Variants in FGFR3 observed in about 807,000 individuals in gnomAD.
FGFR3 encodes FGFR-3.
Under a neutral mutation model 82.9 loss-of-function variants are expected in FGFR3, and 25 were observed. The ratio of observed to expected loss-of-function variants is 0.30; its 90% CI spans 0.22 to 0.42. The LOEUF (loss-of-function observed/expected upper bound fraction) is 0.42, where lower values mean the gene tolerates loss of function less well. FGFR3 is among the 10% of genes least tolerant of loss of function. FGFR3 has a pLI of 1.00. For synonymous variants in FGFR3, 620 were observed against 516.0 expected, an observed-to-expected ratio of 1.20 and a Z score of -2.73; for missense variants, 1,026 against 1,161.0, an observed-to-expected ratio of 0.88 and a Z score of 1.69.
intron 3 of FGFR3, 70 bp downstream of exon 3, chr4:1,799,593 C>T: frequency 1.3e-6 from 2 of 1,549,320 alleles, no homozygotes; most frequent in Non-Finnish European, 1.7e-6. Flanking sequence ...CTGCGTGGGT[C>T]AGGAGCGGCT....
rs1312674634 is a variant in FGFR3, at chr4:1,807,230, G to A, written c.2389G>A (p.Ala797Thr). 3 of 1,607,518 alleles carry A rather than the reference G, an allele frequency of 1.9e-6. No homozygotes were observed. Among genetic ancestry groups the A allele is most frequent in the Non-Finnish European group, 2.5e-6 (3 of 1,178,082 alleles). The change falls in exon 18 of 18, where the codon GCC (alanine) becomes ACC (threonine). Residue 797 changes from alanine to threonine, a missense_variant. Coordinates refer to ENST00000440486, the MANE Select transcript of FGFR3 (RefSeq NM_000142.5). The part of the protein sequence containing the change: ...SVFAHDLLPP[A>T]PPSSGGSRT ...GTTTGCCCACGACCTGCTGCCCCCG[G>A]CCCCACCCAGCAGTGGGGGCTCGCG...
At chr4:1,795,911 C>T (rs112235531) in intron 2 of FGFR3, among the ~76,000 whole-genome samples, 5 of 152,310 alleles carry the variant, frequency 3.3e-5, no homozygotes, top group Admixed American at 1.3e-4. Flanking sequence ...TTAACCTGGG[C>T]TGAGCCTGGC....
intron 7 of FGFR3, 27 bp downstream of exon 7, chr4:1,802,052 C>G: frequency 3.8e-6 from 6 of 1,599,788 alleles, no homozygotes; most frequent in Non-Finnish European, 5.1e-6. Flanking sequence ...ACGTGGGTGC[C>G]GCCGCTGGGG....
At chr4:1,794,551 TG>T (rs2108754200) in intron 2 of FGFR3, among the ~76,000 whole-genome samples, 1 of 152,216 alleles carries the variant, frequency 6.6e-6, no homozygotes, top group African/African-American at 2.4e-5. Context: ...GCGTCCCCGC[TG>T]CCGACCCTGC....
chr4:1,805,534 C>T, intron 11 of FGFR3, 25 bp from the exon 12 acceptor site: 2 of 1,612,578 alleles, frequency 1.2e-6, no homozygotes, highest in Non-Finnish European at 1.7e-6. Flanking sequence ...CGCCGCCTGA[C>T]ACAGGCCCCC....
Position 1,807,826 on chromosome 4 carries a change from A to C in FGFR3, c.*564A>C. On this transcript the variant is annotated 3_prime_UTR_variant, in exon 18 of 18. Transcript: ENST00000440486. ...CGGGTACCTGAAGATGGGAGCCTTT[A>C]CCTTTTATGCAAAAGGTTTATTCCG... The C allele has an allele frequency of 2.2e-6, 1 of 459,894 alleles. No individual in the cohort carries two copies. Among genetic ancestry groups the C allele is most frequent in the South Asian group, 1.9e-5 (1 of 51,434 alleles). The allele number at this position is 459,894 out of a possible 1,614,324, so 28.5% of individuals were successfully genotyped here. A position where few individuals can be genotyped will look rare whatever the true frequency, so the allele number is the denominator to read the frequency against.
rs1057519049 is a variant in FGFR3 at position 1,805,642 on chromosome 4, A to C, written c.1618A>C (p.Asn540His). 1.2e-6 allele frequency: 2 copies of C among 1,613,238 alleles called. No homozygotes were observed. The highest frequency in any genetic ancestry group is 8.5e-7 in the Non-Finnish European group (1 of 1,179,742). ...KMIGKHKNII[N>H]LLGACTQGGP... is the part of the protein sequence containing the mutation. The stretch of plus-strand genomic sequence containing the variant: ...GATCGGGAAACACAAAAACATCATC[A>C]ACCTGCTGGGCGCCTGCACGCAGGG... Residue 540 changes from asparagine (N) to histidine (H), a missense_variant, in exon 12 of 18, where the codon AAC (asparagine) becomes CAC (histidine). Physicochemically the swap from Asn to His is moderately conservative, Grantham distance 68. This residue lies in a region of FGFR3 where 164 missense variants were observed against 167.5 expected (regional missense o/e 0.98). Transcript: ENST00000440486.
chr4:1,797,676 TGGCCAGGACCGGAGGGCTGGAGGTCA>T (rs1577262880), intron 2 of FGFR3, among the ~76,000 whole-genome samples: 1 of 152,290 alleles, frequency 6.6e-6, no homozygotes, highest in East Asian at 1.9e-4. Context: ...CACAAGACAC[TGGCCAGGACCGGAGGGCTGGAGGTCA>T]GGCCAGGAGC....
At chr4:1,803,627 G>T in intron 7 of FGFR3, 65 bp from the exon 8 acceptor site, 1 of 1,584,146 alleles carries the variant, frequency 6.3e-7, no homozygotes, top group South Asian at 1.1e-5. Context: ...CCTGCCGTGT[G>T]GACTCTGTGC....
chr4:1,800,279 G>A (rs1315909395), intron 4 of FGFR3, among the ~76,000 whole-genome samples: 3 of 152,054 alleles, frequency 2.0e-5, no homozygotes, highest in Non-Finnish European at 2.9e-5. Flanking sequence ...GGTGGGCTGC[G>A]GCTGTGAGAG....
chr4:1,805,618 A>C lies in FGFR3; in HGVS notation c.1594A>C (p.Ile532Leu). Residue 532 changes from isoleucine to leucine, a missense_variant, in exon 12 of 18, where the codon ATC becomes CTC. Coordinates refer to ENST00000440486, the MANE Select transcript of FGFR3 (RefSeq NM_000142.5). The part of the protein sequence containing the change: ...LVSEMEMMKM[I>L]GKHKNIINLL... ...GTCTGAGATGGAGATGATGAAGATG[A>C]TCGGGAAACACAAAAACATCATCAA... 1 of 1,613,340 alleles carries C rather than the reference A, an allele frequency of 6.2e-7. No individual in the cohort carries two copies. The highest frequency in any genetic ancestry group is 8.5e-7 in the Non-Finnish European group (1 of 1,179,798).
rs560280646 is a variant in FGFR3 at position 1,807,143 on chromosome 4, G to A, written c.2302G>A (p.Glu768Lys). Reference protein sequence around the residue: ...DEYLDLSAPFEQYSPGGQDTP... With the variant: ...DEYLDLSAPFKQYSPGGQDTP... ...GTACCTGGACCTGTCGGCGCCTTTC[G>A]AGCAGTACTCCCCGGGTGGCCAGGA... The change falls in exon 18 of 18, where the codon GAG becomes AAG. Residue 768 changes from glutamate (E) to lysine (K), a missense_variant. Glu to Lys is a moderately conservative substitution (Grantham distance 56). Around this residue, in one of 9 missense-constraint regions of FGFR3, gnomAD observed 155 missense variants for 150.2 expected, o/e 1.03. Transcript: ENST00000440486. The A allele has an allele frequency of 1.6e-5, 25 of 1,596,080 alleles. No individual in the cohort carries two copies. The highest frequency in any genetic ancestry group is 2.7e-5 in the African/African-American group (2 of 74,652).
Position 1,804,836 on chromosome 4 carries a change from T to A in FGFR3, c.1279T>A (p.Ser427Thr), listed in dbSNP as rs1168038163. Residue 427 changes from serine to threonine, a missense_variant, in exon 10 of 18, where the codon TCC becomes ACC. Ser to Thr is a moderately conservative substitution (Grantham distance 58). Coordinates refer to ENST00000440486, the MANE Select transcript of FGFR3 (RefSeq NM_000142.5). ...CTGACCCAAGCAGGTGTCCCTGGAG[T>A]CCAACGCGTCCATGAGCTCCAACAC... is the stretch of plus-strand genomic sequence containing the variant. ...FPLKRQVSLE[S>T]NASMSSNTPL... 2 of 1,549,338 alleles carry A rather than the reference T, an allele frequency of 1.3e-6. No homozygotes were observed. The highest frequency in any genetic ancestry group is 1.4e-5 in the African/African-American group (1 of 72,830).
chr4:1,805,543 C>G lies in FGFR3; in HGVS notation c.1535-16C>G. The G allele has an allele frequency of 6.2e-7, 1 of 1,612,912 alleles. No individual in the cohort carries two copies. The highest frequency in any genetic ancestry group is 1.7e-5 in the Admixed American group (1 of 60,022). On this transcript the variant is annotated splice_polypyrimidine_tract_variant and intron_variant, in intron 11 of 17. Coordinates refer to ENST00000440486, the MANE Select transcript of FGFR3 (RefSeq NM_000142.5). ...CGCCGCCGCCGCCTGACACAGGCCC[C>G]CCGCTCCGTGCACAGACGATGCCAC...
intron 17 of FGFR3, 79 bp from the exon 18 acceptor site, chr4:1,807,036 TG>T: frequency 6.4e-7 from 1 of 1,551,548 alleles, no homozygotes; most frequent in African/African-American, 1.4e-5. Context: ...GCGGGCCTTC[TG>T]GGGCACAGCC....
At chr4:1,805,113 C>A in intron 10 of FGFR3, 144 bp downstream of exon 10, 1 of 1,328,324 alleles carries the variant, frequency 7.5e-7, no homozygotes, top group Admixed American at 2.4e-5. Flanking sequence ...TGGAGATGCT[C>A]CTGGGACGGG....
At chr4:1,801,258 C>A (rs1020235143) in intron 4 of FGFR3, 109 bp from the exon 5 acceptor site, 1 of 1,252,086 alleles carries the variant, frequency 8.0e-7, no homozygotes, top group Non-Finnish European at 1.1e-6. Flanking sequence ...CTACACAGGA[C>A]GGGAAACTGA....
At chr4:1,800,341 C>G (rs1045938794) in intron 4 of FGFR3, among the ~76,000 whole-genome samples, 23 of 151,452 alleles carry the variant, frequency 1.5e-4, no homozygotes, top group African/African-American at 4.9e-4. Context: ...GGCAGGTGGA[C>G]TTTGCCAAGT....
Position 1,808,550 on chromosome 4 carries a change from ATATAAT to A in FGFR3, c.*1290_*1295del. On this transcript the variant is annotated 3_prime_UTR_variant, in exon 18 of 18. Transcript: ENST00000440486. ...GTTACAAGTTTATATATATCTATAT[ATATAAT>A]TTATTGAGTTTTTACAAGATGTATT... 4.4e-6 allele frequency: 1 copy of A among 229,812 alleles called. No homozygotes were observed. The highest frequency in any genetic ancestry group is 8.6e-6 in the Non-Finnish European group (1 of 115,708). The allele number at this position is 229,812 out of a possible 1,614,324, so 14.2% of individuals were successfully genotyped here.
Sources: allele counts gnomAD v4.1 joint callset (sites outside exome capture counted in the v4.1 genomes callset), GRCh38; gene constraint gnomAD v4.1.1; regional missense constraint gnomAD v4.1.1; transcripts MANE v1.5; gene names NCBI Gene and HGNC (gene_info 2026-07-23, HGNC 2026-07-21).